The following ERGIC2 variants were observed in gnomAD, a reference collection of about 807,000 sequenced individuals.
The protein encoded by ERGIC2 is ERGIC and golgi 2.
A neutral mutation model predicts 52.5 loss-of-function variants in ERGIC2; 31 were observed. That is an observed-to-expected ratio of 0.59 (90% confidence interval 0.44 to 0.80). The LOEUF (loss-of-function observed/expected upper bound fraction) is 0.80. Among genes scored for constraint, ERGIC2 ranks in the 30% least tolerant of loss-of-function variants. The pLI is 0.00. For missense variants in ERGIC2, 395 were observed against 455.2 expected (o/e 0.87, Z 1.20); for synonymous variants, 129 against 140.6 (o/e 0.92, Z 0.58).
chr12:29,374,882 T>A (rs936098330), intron 1 of ERGIC2, among the ~76,000 whole-genome samples: 1 of 152,154 alleles, frequency 6.6e-6, no homozygotes, highest in Non-Finnish European at 1.5e-5. Context: ...ATTATCTTTT[T>A]AATACATAAA....
At position 29,343,192 on chromosome 12, in the gene ERGIC2, C is replaced by T. The variant is rs1340124875; in HGVS notation, c.916G>A (p.Glu306Lys). 1 of 1,611,388 alleles carries T rather than the reference C, an allele frequency of 6.2e-7. No individual in the cohort carries two copies. Reference sequence around the variant, plus strand: ...AACTGCCAGAATGGCATGTGCTCCTCAGTAACTGTCACCATAAGAGAACTG... The same window carrying T: ...AACTGCCAGAATGGCATGTGCTCCTTAGTAACTGTCACCATAAGAGAACTG... ...DLSSLMVTVTEEHMPFWQFFV... is the reference protein window; with the variant it reads ...DLSSLMVTVTKEHMPFWQFFV... The change falls in exon 12 of 14, where the codon GAG (glutamate) becomes AAG (lysine). Residue 306 changes from glutamate (E) to lysine (K), a missense_variant. Coordinates refer to ENST00000360150, the MANE Select transcript of ERGIC2 (RefSeq NM_016570.3).
intron 5 of ERGIC2, among the ~76,000 whole-genome samples, chr12:29,364,089 G>C (rs1418314531): frequency 6.6e-6 from 1 of 152,014 alleles, no homozygotes; most frequent in Non-Finnish European, 1.5e-5. Context: ...AATTGAGAAA[G>C]AGCACAAAAT....
intron 6 of ERGIC2, among the ~76,000 whole-genome samples, chr12:29,358,583 A>G (rs1012298085): frequency 6.6e-6 from 1 of 152,154 alleles, no homozygotes; most frequent in African/African-American, 2.4e-5. Flanking sequence ...ACTATATCCA[A>G]TCTGATGCAA....
rs1466646850 is a variant in ERGIC2 at position 29,356,438 on chromosome 12, A to G, written c.516T>C (p.Ile172=). 3 of 1,604,022 alleles carry G rather than the reference A, an allele frequency of 1.9e-6. No homozygotes were observed. The highest frequency in any genetic ancestry group is 2.2e-5 in the South Asian group (2 of 90,854). Residue 172 remains isoleucine (I), a synonymous_variant, in exon 8 of 14, where the codon ATT becomes ATC. Coordinates refer to ENST00000360150, the MANE Select transcript of ERGIC2 (RefSeq NM_016570.3). ...CTTTATTGACATATAGATGGCCATG[A>G]ATTCTGCATGCATTTGGAGACTGTG... ...DSSQSPNACR[I]HGHLYVNKVA...
intron 5 of ERGIC2, among the ~76,000 whole-genome samples, chr12:29,363,550 T>C (rs1206112423): frequency 6.6e-6 from 1 of 151,964 alleles, no homozygotes; most frequent in African/African-American, 2.4e-5. Context: ...CTCATTAAGA[T>C]ACAATTTTTA....
rs148131417 is a variant in ERGIC2, at chr12:29,350,554, C to T, written c.573-486G>A. ...TTTCATCTTTGAAAATATTAATCCA[C>T]GAGTATGTGTTGAGCATATTCATTG... On this transcript the variant is annotated intron_variant, in intron 8 of 13. Coordinates refer to ENST00000360150, the MANE Select transcript of ERGIC2 (RefSeq NM_016570.3). Among the ~76,000 whole-genome samples, 436 of 152,052 alleles carry T rather than the reference C, an allele frequency of 2.9e-3. 4 individuals are homozygous for T. Among genetic ancestry groups the T allele is most frequent in the African/African-American group, 8.9e-3 (368 of 41,522 alleles).
At chr12:29,370,428 T>C (rs546559416) in intron 2 of ERGIC2, among the ~76,000 whole-genome samples, 2 of 152,128 alleles carry the variant, frequency 1.3e-5, no homozygotes, top group Admixed American at 6.5e-5. Context: ...GTTTAATATA[T>C]ACAAATATGA....
intron 7 of ERGIC2, among the ~76,000 whole-genome samples, chr12:29,357,134 A>AT (rs1192239675): frequency 4.0e-5 from 6 of 151,858 alleles, no homozygotes; most frequent in Non-Finnish European, 8.8e-5. Context: ...CACCCAGCTA[A>AT]TTTTTTTGTA....
intron 10 of ERGIC2, 73 bp downstream of exon 10, chr12:29,349,006 A>C (rs1940095216): frequency 1.4e-6 from 1 of 706,362 alleles, no homozygotes; most frequent in Non-Finnish European, 2.4e-6. Flanking sequence ...AAGACATTAA[A>C]AATGTATTAA....
intron 5 of ERGIC2, among the ~76,000 whole-genome samples, chr12:29,365,580 C>T (rs909381848): frequency 2.0e-5 from 3 of 151,446 alleles, no homozygotes; most frequent in Non-Finnish European, 3.0e-5. Flanking sequence ...GGTAACAAAC[C>T]TTCACATGTA....
chr12:29,374,992 A>G (rs1801663257), intron 1 of ERGIC2, among the ~76,000 whole-genome samples: 1 of 152,178 alleles, frequency 6.6e-6, no homozygotes, highest in Non-Finnish European at 1.5e-5. Flanking sequence ...TTCAAAAACC[A>G]GGTCCTGCTA....
At chr12:29,346,051 A>G (rs1015136754) in intron 10 of ERGIC2, among the ~76,000 whole-genome samples, 2 of 152,122 alleles carry the variant, frequency 1.3e-5, no homozygotes, top group African/African-American at 2.4e-5. Flanking sequence ...CAACATATTT[A>G]TACTCGGTAA....
chr12:29,341,106 A>C lies in ERGIC2; in HGVS notation c.*50T>G. On this transcript the variant is annotated 3_prime_UTR_variant, in exon 14 of 14. Transcript: ENST00000360150. ...ATTGCACAATATTTTATTATTAAAAAAAGGTTTTATGTCTCAGGCAAAAAG... is the reference window on the plus strand; with the variant it reads ...ATTGCACAATATTTTATTATTAAAACAAGGTTTTATGTCTCAGGCAAAAAG... The C allele has an allele frequency of 8.2e-7, 1 of 1,221,770 alleles. No individual in the cohort carries two copies. The highest frequency in any genetic ancestry group is 1.2e-6 in the Non-Finnish European group (1 of 848,466). The allele number at this position is 1,221,770 out of a possible 1,614,324, so 75.7% of individuals were successfully genotyped here. A position where few individuals can be genotyped will look rare whatever the true frequency, so the allele number is the denominator to read the frequency against.
chr12:29,368,282 A>C lies in ERGIC2; in HGVS notation c.221T>G (p.Leu74Ter). Residue 74 changes from leucine (L) to a stop codon, truncating the protein, a stop_gained, in exon 4 of 14, where the codon TTA (leucine) becomes TGA (stop). Coordinates refer to ENST00000360150, the MANE Select transcript of ERGIC2 (RefSeq NM_016570.3). LOFTEE classifies it high-confidence loss of function. ...YEVDKDFSSK[L>*]RINIDITVAM... ...AACAGTAATATCTATATTAATTCTT[A>C]ATTTGCTGAAAGACAAAATATTAAA... 4.0e-6 allele frequency: 6 copies of C among 1,518,354 alleles called. No individual in the cohort carries two copies. Among genetic ancestry groups the C allele is most frequent in the Non-Finnish European group, 5.5e-6 (6 of 1,095,530 alleles). The allele number at this position is 1,518,354 out of a possible 1,614,324, so 94.1% of individuals were successfully genotyped here.
chr12:29,338,027 A>C lies in ERGIC2; in HGVS notation c.*3129T>G, dbSNP rs1293903612. ...TCTCTACTAAAAATATAAAAAAATT[A>C]GCTGGGCTTGGTGGTACGCACCTGT... is the stretch of plus-strand genomic sequence containing the variant. On this transcript the variant is annotated 3_prime_UTR_variant, in exon 14 of 14. Transcript: ENST00000360150. 4 of 152,312 alleles carry C rather than the reference A, an allele frequency of 2.6e-5. No homozygotes were observed. The East Asian group carries it at 7.7e-4, about 29-fold the overall frequency. The allele number at this position is 152,312 out of a possible 1,614,324, so 9.4% of individuals were successfully genotyped here. A position where few individuals can be genotyped will look rare whatever the true frequency, so the allele number is the denominator to read the frequency against.
At chr12:29,375,065 C>A (rs1002054944) in intron 1 of ERGIC2, among the ~76,000 whole-genome samples, 3 of 152,116 alleles carry the variant, frequency 2.0e-5, no homozygotes, top group African/African-American at 7.2e-5. Flanking sequence ...ACTTTCAATT[C>A]CTTAAATATC....
rs144407517 is a variant in ERGIC2 at position 29,369,214 on chromosome 12, T to C, written c.215+900A>G. 6.8e-3 allele frequency among the ~76,000 whole-genome samples: 1,036 copies of C among 152,018 alleles called. 12 individuals carry two copies. The highest frequency in any genetic ancestry group is 0.024 in the African/African-American group (982 of 41,534). On this transcript the variant is annotated intron_variant, in intron 3 of 13. Coordinates refer to ENST00000360150, the MANE Select transcript of ERGIC2 (RefSeq NM_016570.3). ...GACAAACTTCTGCATATCCTCACCA[T>C]GCTTATGTGGCGAACTATGTAATAC...
At chr12:29,363,876 T>C (rs1017906883) in intron 5 of ERGIC2, among the ~76,000 whole-genome samples, 1 of 148,074 alleles carries the variant, frequency 6.8e-6, no homozygotes. Context: ...AGTTAGAATA[T>C]GGACAGAATG....
At chr12:29,375,525 C>A (rs17659248) in intron 1 of ERGIC2, among the ~76,000 whole-genome samples, 10,524 of 152,156 alleles carry the variant, frequency 0.069, 451 homozygotes, top group Non-Finnish European at 0.11. Flanking sequence ...AGAACAGTGG[C>A]CATCACATAG....
Sources: allele counts gnomAD v4.1 joint callset (sites outside exome capture counted in the v4.1 genomes callset), GRCh38; gene constraint gnomAD v4.1.1; transcripts MANE v1.5; gene names NCBI Gene and HGNC (gene_info 2026-07-23, HGNC 2026-07-21).